HSPG2: variants seen among roughly 807,000 people sequenced by gnomAD.
The protein encoded by HSPG2 is heparan sulfate proteoglycan 2, also known as basement membrane-specific heparan sulfate proteoglycan core protein.
HSPG2 carries 278 observed loss-of-function variants against 526.6 expected under a neutral mutation model. That is an observed-to-expected ratio of 0.53 (90% CI 0.48 to 0.58). HSPG2 has a LOEUF of 0.58. Ranked by LOEUF, HSPG2 falls within the 20% of genes least tolerant of loss-of-function variation. The pLI, the probability that HSPG2 is intolerant of heterozygous loss-of-function variation, is 0.00. For synonymous variants in HSPG2, 2,465 were observed against 2,555.4 expected (o/e 0.96, Z 1.07); for missense variants, 5,354 against 6,099.5 (o/e 0.88, Z 4.07).
rs1006547461 is a variant in HSPG2 at position 21,840,993 on chromosome 1, C to G, written c.9513+108G>C. On this transcript the variant is annotated intron_variant, in intron 71 of 96. Transcript: ENST00000374695. ...CCATCCCATTCCTCCCTTCCTCTCTCCATCCACTCATCACCACCTGCCCAT... is the reference window on the plus strand; with the variant it reads ...CCATCCCATTCCTCCCTTCCTCTCTGCATCCACTCATCACCACCTGCCCAT... 6.2e-5 allele frequency: 60 copies of G among 967,206 alleles called. No individual in the cohort carries two copies. The East Asian group carries it at 1.2e-3, about 19-fold the overall frequency. The allele number at this position is 967,206 out of a possible 1,614,324, so 59.9% of individuals were successfully genotyped here. A position where few individuals can be genotyped will look rare whatever the true frequency, so the allele number is the denominator to read the frequency against.
At position 21,887,131 on chromosome 1, in the gene HSPG2, G is replaced by GGGCGGGGCAGGTGTGGAA; in HGVS notation, c.1078+83_1078+84insTTCCACACCTGCCCCGCC. On this transcript the variant is annotated intron_variant, in intron 9 of 96. Transcript: ENST00000374695. The surrounding 1 kb of genome is among the most constrained non-coding windows in gnomAD (Gnocchi z 5.0). ...GGGGGAAAGCGGAGGGGCAGGGTAGGGGCGGGGCAGGAGTGGAAGGCGGGG... is the reference window on the plus strand; with the variant it reads ...GGGGGAAAGCGGAGGGGCAGGGTAGGGGCGGGGCAGGTGTGGAAGGCGGGGCAGGAGTGGAAGGCGGGG... 1 of 1,429,942 alleles carries GGGCGGGGCAGGTGTGGAA rather than the reference G, an allele frequency of 7.0e-7. No homozygotes were observed. Among genetic ancestry groups the GGGCGGGGCAGGTGTGGAA allele is most frequent in the Non-Finnish European group, 9.6e-7 (1 of 1,040,996 alleles). 88.6% of individuals were successfully genotyped at this position (1,429,942 alleles called of 1,614,324 possible). A position where few individuals can be genotyped will look rare whatever the true frequency, so the allele number is the denominator to read the frequency against.
In HSPG2 at chr1:21,847,486, C is replaced by A. The variant is rs1638531416; in HGVS notation, c.8032G>T (p.Gly2678Cys). 1 of 1,613,766 alleles carries A rather than the reference C, an allele frequency of 6.2e-7. No homozygotes were observed. Among genetic ancestry groups the A allele is most frequent in the Non-Finnish European group, 8.5e-7 (1 of 1,180,042 alleles). Residue 2678 changes from glycine to cysteine, a missense_variant, in exon 62 of 97, where the codon GGC (glycine) becomes TGC (cysteine). Transcript: ENST00000374695. This position sits in a 1 kb window ranked among gnomAD's most constrained non-coding sequence, Gnocchi z 4.1. ...GSLPSRHQTH[G>C]SHLRLHQMSV... ...ATTTGGTGCAACCGCAGGTGGGAGC[C>A]ATGGGTCTGGACGTGCGGATGGGGA... is the stretch of plus-strand genomic sequence containing the variant.
At chr1:21,830,283 C>T in intron 85 of HSPG2, 192 bp from the exon 86 acceptor site, 2 of 609,642 alleles carry the variant, frequency 3.3e-6, no homozygotes, top group South Asian at 3.8e-5. Flanking sequence ...GGGAGGACTG[C>T]AGGGGAAGCA....
Position 21,859,732 on chromosome 1 carries a change from G to A in HSPG2, c.5183-56C>T. 6.3e-7 allele frequency: 1 copy of A among 1,581,030 alleles called. No individual in the cohort carries two copies. The highest frequency in any genetic ancestry group is 8.6e-7 in the Non-Finnish European group (1 of 1,161,210). ...GCAGATACACTCTTTCTCACATCCAGCCCCATGCACAAGGACAGCATCCCA... is the reference window on the plus strand; with the variant it reads ...GCAGATACACTCTTTCTCACATCCAACCCCATGCACAAGGACAGCATCCCA... On this transcript the variant is annotated intron_variant, in intron 41 of 96. Coordinates refer to ENST00000374695, the MANE Select transcript of HSPG2 (RefSeq NM_005529.7). This position sits in a 1 kb window ranked among gnomAD's most constrained non-coding sequence, Gnocchi z 5.3.
chr1:21,847,999 G>T lies in HSPG2; in HGVS notation c.7832C>A (p.Thr2611Asn). The T allele has an allele frequency of 1.2e-6, 2 of 1,613,632 alleles. No individual in the cohort carries two copies. The highest frequency in any genetic ancestry group is 3.3e-4 in the Middle Eastern group (2 of 6,062). Residue 2611 changes from threonine (T) to asparagine (N), a missense_variant, in exon 60 of 97, where the codon ACC (threonine) becomes AAC (asparagine). Transcript: ENST00000374695. This position sits in a 1 kb window ranked among gnomAD's most constrained non-coding sequence, Gnocchi z 4.1. ...HVSNGAGSRE[T>N]SLIVTIQGSG... ...GCCCTGGATGGTGACGATGAGCGAGGTCTCCCGGGAGCCTGCACCGTTACT... is the reference window on the plus strand; with the variant it reads ...GCCCTGGATGGTGACGATGAGCGAGTTCTCCCGGGAGCCTGCACCGTTACT...
chr1:21,900,978 G>T (rs137939655), intron 1 of HSPG2, among the ~76,000 whole-genome samples: 193 of 152,226 alleles, frequency 1.3e-3, no homozygotes, highest in African/African-American at 4.4e-3. Flanking sequence ...TCAGAGGGAA[G>T]AGTCCTGTGT....
intron 14 of HSPG2, 132 bp from the exon 15 acceptor site, chr1:21,880,967 G>GTGC: frequency 3.1e-6 from 3 of 973,448 alleles, no homozygotes; most frequent in Non-Finnish European, 4.7e-6. Context: ...CAGGCACTGA[G>GTGC]CTAGGCACAG....
At chr1:21,908,171 T>C (rs1015367299) in intron 1 of HSPG2, 2 of 829,658 alleles carry the variant, frequency 2.4e-6, no homozygotes, top group Non-Finnish European at 4.2e-6. Flanking sequence ...CATGGAGTTG[T>C]TCCTTTGGCC....
intron 3 of HSPG2, among the ~76,000 whole-genome samples, chr1:21,892,196 G>T (rs1391478164): frequency 2.0e-5 from 3 of 152,242 alleles, no homozygotes; most frequent in Non-Finnish European, 4.4e-5. Flanking sequence ...TGAACCGCTG[G>T]GCTAGGCTCC....
rs760808100 is a variant in HSPG2 at position 21,874,927 on chromosome 1, G to A, written c.3378C>T (p.Cys1126=). 2 of 1,613,050 alleles carry A rather than the reference G, an allele frequency of 1.2e-6. No homozygotes were observed. The highest frequency in any genetic ancestry group is 1.7e-6 in the Non-Finnish European group (2 of 1,179,692). Residue 1126 remains cysteine (C), a synonymous_variant, in exon 26 of 97, where the codon TGC becomes TGT. Coordinates refer to ENST00000374695, the MANE Select transcript of HSPG2 (RefSeq NM_005529.7). The part of the protein sequence containing the change: ...GQDPALEVEQ[C]SCPPGYRGPS... ...GCCCACGGTACCCGGGTGGGCAGGA[G>A]CACTGTTCCACTTCCAGCGCGGGGT...
chr1:21,929,338 GATGACTGC>G (rs1452517124), intron 1 of HSPG2, among the ~76,000 whole-genome samples: 1 of 152,172 alleles, frequency 6.6e-6, no homozygotes, highest in Non-Finnish European at 1.5e-5. Flanking sequence ...TGGGTAGGGG[GATGACTGC>G]CAGGCATGTG....
At position 21,842,041 on chromosome 1, in the gene HSPG2, T is replaced by C. The variant is rs764834261; in HGVS notation, c.9154A>G (p.Ile3052Val). 4.0e-5 allele frequency: 65 copies of C among 1,613,438 alleles called. No individual in the cohort carries two copies. Among genetic ancestry groups the C allele is most frequent in the Non-Finnish European group, 5.3e-5 (63 of 1,180,008 alleles). The change falls in exon 69 of 97, where the codon ATC becomes GTC. Residue 3052 changes from isoleucine to valine, a missense_variant. Physicochemically the swap from Ile to Val is conservative, Grantham distance 29. Coordinates refer to ENST00000374695, the MANE Select transcript of HSPG2 (RefSeq NM_005529.7). The stretch of plus-strand genomic sequence containing the variant: ...TTCCGGGTCTTCCACTCGAGGCTGA[T>C]GGGGGCTGCCCCGTCATGGATGAGG... The part of the protein sequence containing the change: ...KCLIHDGAAP[I>V]SLEWKTRNQE...
rs892427661 is a variant in HSPG2 at position 21,841,588 on chromosome 1, G to A, written c.9279C>T (p.Ala3093=). Residue 3093 remains alanine, a synonymous_variant, in exon 70 of 97, where the codon GCC becomes GCT. Coordinates refer to ENST00000374695, the MANE Select transcript of HSPG2 (RefSeq NM_005529.7). ...TCTGGGCCACACCGTAGGCATTGGA[G>A]GCCACGCAGCGGTAGGTACCGTGGT... The part of the protein sequence containing the change: ...PSNHGTYRCV[A]SNAYGVAQSV... 1.9e-6 allele frequency: 3 copies of A among 1,614,084 alleles called. No homozygotes were observed. Among genetic ancestry groups the A allele is most frequent in the East Asian group, 2.2e-5 (1 of 44,886 alleles).
intron 3 of HSPG2, among the ~76,000 whole-genome samples, chr1:21,891,023 A>C (rs1186378625): frequency 6.6e-5 from 10 of 152,214 alleles, no homozygotes; most frequent in African/African-American, 2.2e-4. Context: ...TTGGCCTGGC[A>C]CAGGGATTAC....
At chr1:21,838,738 G>T in intron 74 of HSPG2, 87 bp downstream of exon 74, 1 of 1,412,866 alleles carries the variant, frequency 7.1e-7, no homozygotes, top group Non-Finnish European at 9.8e-7. Context: ...ATGGAGGGAG[G>T]CCTTCCCACC....
chr1:21,838,266 T>C (rs995894044), intron 74 of HSPG2, among the ~76,000 whole-genome samples: 1 of 152,166 alleles, frequency 6.6e-6, no homozygotes, highest in Non-Finnish European at 1.5e-5. Flanking sequence ...GTCCAGGCTC[T>C]TGACCAGTGG....
At position 21,822,336 on chromosome 1, in the gene HSPG2, C is replaced by A; in HGVS notation, c.*980G>T. ...ACAGAGGCCAGGCGTCCCAACCCCA[C>A]AGTCTGGGGGCCACTGGCAGGATGG... On this transcript the variant is annotated 3_prime_UTR_variant, in exon 97 of 97. Transcript: ENST00000374695. The A allele has an allele frequency of 1.0e-6, 1 of 981,982 alleles. No individual in the cohort carries two copies. The highest frequency in any genetic ancestry group is 1.6e-6 in the Non-Finnish European group (1 of 626,834). The allele number at this position is 981,982 out of a possible 1,614,324, so 60.8% of individuals were successfully genotyped here. A position where few individuals can be genotyped will look rare whatever the true frequency, so the allele number is the denominator to read the frequency against.
intron 74 of HSPG2, among the ~76,000 whole-genome samples, 184 bp downstream of exon 74, chr1:21,838,641 G>A (rs2098036391): frequency 6.6e-6 from 1 of 152,222 alleles, no homozygotes; most frequent in African/African-American, 2.4e-5. Flanking sequence ...GAGGAGCTGA[G>A]CACACATGAT....
rs766807669 is a variant in HSPG2 at position 21,887,545 on chromosome 1, C to T, written c.833G>A (p.Gly278Asp). ...CCCACAGGGCAGGGGCCTGACGGAA[C>T]CGGGAAGCAGGGGCTGAGGAGCGTG... is the stretch of plus-strand genomic sequence containing the variant. The part of the protein sequence containing the change: ...VTHAPQPLLP[G>D]SVRPLPCGPQ... Residue 278 changes from glycine to aspartate, a missense_variant, in exon 8 of 97, where the codon GGT (glycine) becomes GAT (aspartate). Transcript: ENST00000374695. The surrounding 1 kb of genome is among the most constrained non-coding windows in gnomAD (Gnocchi z 5.0). 6.2e-7 allele frequency: 1 copy of T among 1,614,014 alleles called. No individual in the cohort carries two copies. Among genetic ancestry groups the T allele is most frequent in the Non-Finnish European group, 8.5e-7 (1 of 1,180,018 alleles).
Sources: gnomAD v4.1 joint callset for allele counts (sites outside exome capture counted in the v4.1 genomes callset) on GRCh38, gnomAD v4.1.1 for gene constraint, Gnocchi (gnomAD v3.1) non-coding constraint, MANE v1.5 for transcripts, NCBI Gene and HGNC (gene_info 2026-07-23, HGNC 2026-07-21) for gene names.